Variants in ZGPAT observed in about 807,000 individuals in gnomAD.
ZGPAT encodes the protein zinc finger CCCH-type and G-patch domain containing, also known as zinc finger CCCH-type with G patch domain-containing protein.
Under a neutral mutation model 47.9 loss-of-function variants are expected in ZGPAT, and 39 were observed. The observed-to-expected ratio is 0.81, with a 90% CI of 0.63 to 1.06. The LOEUF is 1.06. ZGPAT is among the 50% of genes least tolerant of loss of function. ZGPAT has a pLI of 0.00. For synonymous variants in ZGPAT, 348 were observed against 292.9 expected (o/e 1.19, Z -1.92); for missense variants, 717 against 681.4 (o/e 1.05, Z -0.58).
intron 2 of ZGPAT, among the ~76,000 whole-genome samples, chr20:63,726,021 T>C (rs1185623568): frequency 2.0e-5 from 3 of 151,420 alleles, no homozygotes; most frequent in African/African-American, 7.3e-5. Flanking sequence ...GTATTTATAG[T>C]AGAGACGAGG....
intron 2 of ZGPAT, among the ~76,000 whole-genome samples, chr20:63,716,249 C>T (rs1056885708): frequency 2.2e-4 from 34 of 152,014 alleles, no homozygotes; most frequent in Admixed American, 1.9e-3. Flanking sequence ...AGGCTGGTCT[C>T]GAACTCCTGA....
At chr20:63,722,674 C>T (rs571579842) in intron 2 of ZGPAT, among the ~76,000 whole-genome samples, 1 of 152,020 alleles carries the variant, frequency 6.6e-6, no homozygotes, top group Admixed American at 6.6e-5. Flanking sequence ...ACTCTGTCAC[C>T]CAGGCTGGAG....
chr20:63,732,603 G>A (rs1009246211), intron 2 of ZGPAT, among the ~76,000 whole-genome samples: 2 of 142,272 alleles, frequency 1.4e-5, no homozygotes, highest in Non-Finnish European at 3.1e-5. Context: ...GTTTATACGC[G>A]TGTCAGGGTC....
In ZGPAT at chr20:63,717,337, T is replaced by C. The variant is rs1185462470; in HGVS notation, c.584+8173T>C. On this transcript the variant is annotated intron_variant, in intron 2 of 6. Transcript: ENST00000355969. ...TGAGATCTCTTTTTTCTTTTCTTTT[T>C]TTTTTTTTTTTTTTTTTTTTGGTTG... Among the ~76,000 whole-genome samples, 30 of 134,272 alleles carry C rather than the reference T, an allele frequency of 2.2e-4. 1 individual carries two copies. The highest frequency in any genetic ancestry group is 6.0e-4 in the African/African-American group (22 of 36,436). The allele number at this position is 134,272 out of a possible 152,430, so 88.1% of individuals were successfully genotyped here. A position where few individuals can be genotyped will look rare whatever the true frequency, so the allele number is the denominator to read the frequency against.
chr20:63,717,253 G>A (rs1269916543), intron 2 of ZGPAT, among the ~76,000 whole-genome samples: 1 of 151,290 alleles, frequency 6.6e-6, no homozygotes, highest in Non-Finnish European at 1.5e-5. Flanking sequence ...TGCTGGTTTG[G>A]GTTTAATTTG....
upstream of ZGPAT, chr20:63,707,850 C>T (rs1478619344): frequency 1.3e-5 from 2 of 152,604 alleles, no homozygotes; most frequent in Non-Finnish European, 2.9e-5. Flanking sequence ...CGCCTCACCG[C>T]ACAGCCTGCG....
intron 4 of ZGPAT, 163 bp from the exon 5 acceptor site, chr20:63,734,542 G>A: frequency 7.2e-7 from 1 of 1,380,716 alleles, no homozygotes; most frequent in Non-Finnish European, 9.8e-7. Flanking sequence ...GAGGTGGGGT[G>A]TCGTGGCTCT....
chr20:63,722,012 C>CG (rs201555224), intron 2 of ZGPAT, among the ~76,000 whole-genome samples: 4 of 42,764 alleles, frequency 9.4e-5, no homozygotes, highest in Middle Eastern at 0.01. Context: ...GACTCCATCT[C>CG]GGGGAAAAAA....
At chr20:63,733,154 C>A (rs1018368616) in intron 2 of ZGPAT, 65 bp from the exon 3 acceptor site, 17 of 1,584,648 alleles carry the variant, frequency 1.1e-5, no homozygotes, top group Non-Finnish European at 1.4e-5. Flanking sequence ...TGGGTCAGTG[C>A]TCCTGGGTTG....
At chr20:63,715,984 A>C (rs2091724633) in intron 2 of ZGPAT, among the ~76,000 whole-genome samples, 1 of 152,148 alleles carries the variant, frequency 6.6e-6, no homozygotes, top group Admixed American at 6.5e-5. Context: ...TTTCATTGGA[A>C]GTTTTTTGAC....
At position 63,715,823 on chromosome 20, in the gene ZGPAT, C is replaced by T. The variant is rs183964586; in HGVS notation, c.584+6659C>T. Among the ~76,000 whole-genome samples the T allele has an allele frequency of 6.9e-3, 1,003 of 145,752 alleles. 8 individuals carry two copies. Among genetic ancestry groups the T allele is most frequent in the African/African-American group, 0.023 (897 of 39,484 alleles). Reference sequence around the variant, plus strand: ...GAATTCAACAGTGAAGTGATATATACAATCATATATAGAGAGAGAGAGAGA... The same window carrying T: ...GAATTCAACAGTGAAGTGATATATATAATCATATATAGAGAGAGAGAGAGA... On this transcript the variant is annotated intron_variant, in intron 2 of 6. Transcript: ENST00000355969.
intron 2 of ZGPAT, among the ~76,000 whole-genome samples, chr20:63,725,141 C>T (rs762101677): frequency 2.6e-5 from 4 of 152,230 alleles, no homozygotes; most frequent in African/African-American, 9.6e-5. Flanking sequence ...CCTGCCACCA[C>T]GCCCACCTAA....
At chr20:63,727,706 T>C (rs532977502) in intron 2 of ZGPAT, among the ~76,000 whole-genome samples, 10 of 151,318 alleles carry the variant, frequency 6.6e-5, no homozygotes, top group Non-Finnish European at 1.3e-4. Context: ...CTCTATTTCC[T>C]GAATCATTGC....
intron 2 of ZGPAT, among the ~76,000 whole-genome samples, chr20:63,724,867 G>A (rs1283587969): frequency 6.6e-6 from 1 of 151,742 alleles, no homozygotes; most frequent in Non-Finnish European, 1.5e-5. Context: ...AGTAGAGACA[G>A]GGTTTCACTA....
rs1373077942 is a variant in ZGPAT at position 63,733,088 on chromosome 20, GTGTA to G, written c.585-125_585-122del. 2.8e-5 allele frequency: 33 copies of G among 1,176,010 alleles called. 2 individuals are homozygous for G. Among genetic ancestry groups the G allele is most frequent in the South Asian group, 2.4e-4 (16 of 67,942 alleles). 72.8% of individuals were successfully genotyped at this position (1,176,010 alleles called of 1,614,324 possible). On this transcript the variant is annotated intron_variant, in intron 2 of 6. Coordinates refer to ENST00000355969, the MANE Select transcript of ZGPAT (RefSeq NM_181485.3). ...TGTGTGTGCGTGAGTGTGTGAGAGTGTGTATGTATACGCACGCGTGTGTGTCTGT... is the reference window on the plus strand; with the variant it reads ...TGTGTGTGCGTGAGTGTGTGAGAGTGTGTATACGCACGCGTGTGTGTCTGT...
Position 63,735,778 on chromosome 20 carries a change from C to T in ZGPAT, c.1398-3C>T, listed in dbSNP as rs1332170696. The T allele has an allele frequency of 6.9e-6, 11 of 1,596,792 alleles. No individual in the cohort carries two copies. The highest frequency in any genetic ancestry group is 3.5e-5 in the Admixed American group (2 of 56,974). ...CCACGCTGACTAGTGAGCCCCTCCGCAGGCATAGCGTGGCGTCAGCCCAGC... is the reference window on the plus strand; with the variant it reads ...CCACGCTGACTAGTGAGCCCCTCCGTAGGCATAGCGTGGCGTCAGCCCAGC... On this transcript the variant is annotated splice_polypyrimidine_tract_variant and splice_region_variant and intron_variant, in intron 6 of 6. Transcript: ENST00000355969.
chr20:63,708,458 C>T (rs1003975046), intron 1 of ZGPAT, 95 bp from the exon 2 acceptor site: 13 of 889,530 alleles, frequency 1.5e-5, no homozygotes, highest in Non-Finnish European at 2.0e-5. Flanking sequence ...CCGGTGTCTC[C>T]CCGAGGGAAA....
At chr20:63,712,004 T>A (rs1323192689) in intron 2 of ZGPAT, among the ~76,000 whole-genome samples, 1 of 152,246 alleles carries the variant, frequency 6.6e-6, no homozygotes, top group Admixed American at 6.5e-5. Context: ...GCACAAACAT[T>A]TTAAATTTTG....
At chr20:63,726,156 A>AT (rs2091843319) in intron 2 of ZGPAT, among the ~76,000 whole-genome samples, 1 of 149,672 alleles carries the variant, frequency 6.7e-6, no homozygotes, top group Admixed American at 6.7e-5. Flanking sequence ...TTTTTAATGA[A>AT]TTTTTTTCTT....
Sources: gnomAD v4.1 joint callset for allele counts (sites outside exome capture counted in the v4.1 genomes callset) on GRCh38, gnomAD v4.1.1 for gene constraint, MANE v1.5 for transcripts, NCBI Gene and HGNC (gene_info 2026-07-23, HGNC 2026-07-21) for gene names.